The following ATP1B3 variants were observed in gnomAD, a reference collection of about 807,000 sequenced individuals.
The protein encoded by ATP1B3 is ATPase Na+/K+ transporting subunit beta 3.
ATP1B3 carries 10 observed loss-of-function variants against 30.2 expected under a neutral mutation model. The observed-to-expected ratio is 0.33, with a 90% CI of 0.20 to 0.56. ATP1B3 has a LOEUF of 0.56. ATP1B3 is among the 20% of genes least tolerant of loss of function. The probability of loss-of-function intolerance (pLI) is 0.90; values close to 1 mark genes in which losing one functional copy is unlikely to be tolerated. For missense variants in ATP1B3, 238 were observed against 336.7 expected, an observed-to-expected ratio of 0.71 and a Z score of 2.29; for synonymous variants, 113 against 117.0, an observed-to-expected ratio of 0.97 and a Z score of 0.22.
intron 4 of ATP1B3, among the ~76,000 whole-genome samples, chr3:141,915,062 T>C (rs1303590252): frequency 6.6e-6 from 1 of 152,248 alleles, no homozygotes; most frequent in Non-Finnish European, 1.5e-5. Flanking sequence ...CCCAGTCTAC[T>C]AGAAGTATCC....
intron 4 of ATP1B3, among the ~76,000 whole-genome samples, chr3:141,915,155 A>G (rs1195011550): frequency 6.6e-6 from 1 of 152,162 alleles, no homozygotes; most frequent in African/African-American, 2.4e-5. Context: ...TTCTTTCTCA[A>G]GATGGTCTCC....
At position 141,925,777 on chromosome 3, in the gene ATP1B3, A is replaced by T. The variant is rs1934648258; in HGVS notation, c.*76A>T. 6.6e-7 allele frequency: 1 copy of T among 1,511,336 alleles called. No homozygotes were observed. Among genetic ancestry groups the T allele is most frequent in the African/African-American group, 1.4e-5 (1 of 72,264 alleles). 93.6% of individuals were successfully genotyped at this position (1,511,336 alleles called of 1,614,324 possible). A position where few individuals can be genotyped will look rare whatever the true frequency, so the allele number is the denominator to read the frequency against. On this transcript the variant is annotated 3_prime_UTR_variant, in exon 7 of 7. Transcript: ENST00000286371. ...TTGTAACAGCTGGACCTTCCATTCT[A>T]GAATTATGAGACCACCTTGGAGAAA...
At chr3:141,918,527 C>T (rs1473676711) in intron 5 of ATP1B3, among the ~76,000 whole-genome samples, 1 of 151,734 alleles carries the variant, frequency 6.6e-6, no homozygotes, top group African/African-American at 2.4e-5. Flanking sequence ...TCACCTTTGC[C>T]TCCCGGGTTC....
intron 1 of ATP1B3, among the ~76,000 whole-genome samples, chr3:141,895,276 C>T (rs1934042116): frequency 1.3e-5 from 2 of 150,668 alleles, no homozygotes; most frequent in African/African-American, 4.9e-5. Flanking sequence ...GCAACCTCTG[C>T]CTCCCGTGTT....
In ATP1B3 at chr3:141,897,840, G is replaced by A. The variant is rs1280952536; in HGVS notation, c.110-5780G>A. ...TTCTCCCACCTCAGCCTCCTAAGTAGCTAGGATTACAGGTACATGCTACCA... is the reference window on the plus strand; with the variant it reads ...TTCTCCCACCTCAGCCTCCTAAGTAACTAGGATTACAGGTACATGCTACCA... On this transcript the variant is annotated intron_variant, in intron 1 of 6. Transcript: ENST00000286371. 2.6e-5 allele frequency among the ~76,000 whole-genome samples: 4 copies of A among 152,090 alleles called. No individual in the cohort carries two copies. The East Asian group carries it at 7.7e-4, about 29-fold the overall frequency.
intron 1 of ATP1B3, among the ~76,000 whole-genome samples, chr3:141,883,320 A>T (rs1181636821): frequency 3.3e-5 from 5 of 152,228 alleles, no homozygotes; most frequent in African/African-American, 1.2e-4. Context: ...AAACCCTGTC[A>T]CTACTAAAAA....
intron 3 of ATP1B3, 88 bp from the exon 4 acceptor site, chr3:141,913,564 A>T: frequency 1.7e-6 from 2 of 1,153,496 alleles, no homozygotes; most frequent in Non-Finnish European, 2.4e-6. Context: ...TTTGTCTTTG[A>T]AGAACATTTT....
rs146917647 is a variant in ATP1B3, at chr3:141,889,307, A to G, written c.109+12397A>G. ...GTGGAGATTATACTATAGAATATAT[A>G]TATTTCTTTCTGATGAATGTTTAAA... On this transcript the variant is annotated intron_variant, in intron 1 of 6. Transcript: ENST00000286371. Among the ~76,000 whole-genome samples the G allele has an allele frequency of 8.9e-4, 136 of 152,256 alleles. 1 individual carries two copies. In the East Asian group the frequency reaches 0.023, roughly 26 times the overall value.
intron 1 of ATP1B3, among the ~76,000 whole-genome samples, chr3:141,892,778 A>AG (rs1329322174): frequency 6.7e-6 from 1 of 150,350 alleles, no homozygotes; most frequent in African/African-American, 2.5e-5. Flanking sequence ...TAGATTGCAA[A>AG]GGGGTACAAG....
intron 1 of ATP1B3, among the ~76,000 whole-genome samples, chr3:141,893,854 C>T (rs146020883): frequency 2.4e-4 from 37 of 152,260 alleles, no homozygotes; most frequent in African/African-American, 7.2e-4. Flanking sequence ...GTATTAAATA[C>T]AGCCATGCCT....
At chr3:141,913,627 G>A in intron 3 of ATP1B3, 25 bp from the exon 4 acceptor site, 1 of 1,582,836 alleles carries the variant, frequency 6.3e-7, no homozygotes, top group Non-Finnish European at 8.6e-7. Flanking sequence ...GGCTGATCTA[G>A]CACACATATA....
At chr3:141,899,415 C>A (rs927008171) in intron 1 of ATP1B3, among the ~76,000 whole-genome samples, 2 of 152,158 alleles carry the variant, frequency 1.3e-5, no homozygotes, top group African/African-American at 4.8e-5. Context: ...GAGGCCCAAT[C>A]TTTCTAGCAT....
At chr3:141,889,088 G>A (rs995358987) in intron 1 of ATP1B3, among the ~76,000 whole-genome samples, 5 of 152,034 alleles carry the variant, frequency 3.3e-5, no homozygotes, top group Non-Finnish European at 4.4e-5. Context: ...AGAGAGCCAA[G>A]GGGGAAGTGC....
chr3:141,914,288 A>T (rs1161896009), intron 4 of ATP1B3, among the ~76,000 whole-genome samples: 1 of 152,224 alleles, frequency 6.6e-6, no homozygotes, highest in Non-Finnish European at 1.5e-5. Flanking sequence ...GTTTTATAGT[A>T]TCAGTATATA....
At chr3:141,904,847 T>C (rs1934235727) in intron 2 of ATP1B3, among the ~76,000 whole-genome samples, 1 of 151,744 alleles carries the variant, frequency 6.6e-6, no homozygotes, top group Non-Finnish European at 1.5e-5. Context: ...GGAGCTGGGA[T>C]TACAAGCATG....
rs549951207 is a variant in ATP1B3, at chr3:141,876,739, T to A, written c.-63T>A. 11 of 1,348,254 alleles carry A rather than the reference T, an allele frequency of 8.2e-6. No homozygotes were observed. In the East Asian group the frequency reaches 2.4e-4, roughly 29 times the overall value. 83.5% of individuals were successfully genotyped at this position (1,348,254 alleles called of 1,614,324 possible). Reference sequence around the variant, plus strand: ...TGCGCCGCCGGAGCCGGGACGCGCCTCCGCAGCCCTCGCCGCCTCCATCCC... The same window carrying A: ...TGCGCCGCCGGAGCCGGGACGCGCCACCGCAGCCCTCGCCGCCTCCATCCC... On this transcript the variant is annotated 5_prime_UTR_variant, in exon 1 of 7. Coordinates refer to ENST00000286371, the MANE Select transcript of ATP1B3 (RefSeq NM_001679.4).
intron 5 of ATP1B3, among the ~76,000 whole-genome samples, chr3:141,917,919 C>T (rs1479065001): frequency 1.3e-5 from 2 of 151,836 alleles, no homozygotes; most frequent in Non-Finnish European, 2.9e-5. Context: ...AGGCGACCGC[C>T]ACCACGCCCG....
At chr3:141,905,452 T>C (rs902700048) in intron 2 of ATP1B3, among the ~76,000 whole-genome samples, 1 of 152,214 alleles carries the variant, frequency 6.6e-6, no homozygotes, top group Admixed American at 6.5e-5. Context: ...AATGCTGAGA[T>C]GGAAGTGCCC....
chr3:141,898,514 T>C (rs1332874832), intron 1 of ATP1B3, among the ~76,000 whole-genome samples: 2 of 152,194 alleles, frequency 1.3e-5, no homozygotes, highest in Non-Finnish European at 2.9e-5. Flanking sequence ...CCAGCATCAT[T>C]AGCCATTAGG....
Sources: gnomAD v4.1 joint callset for allele counts (sites outside exome capture counted in the v4.1 genomes callset) on GRCh38, gnomAD v4.1.1 for gene constraint, MANE v1.5 for transcripts, NCBI Gene and HGNC (gene_info 2026-07-23, HGNC 2026-07-21) for gene names.